The following RSRC1 variants were observed in gnomAD, a reference collection of about 807,000 sequenced individuals.
RSRC1 encodes the protein serine/Arginine-related protein 53.
RSRC1 carries 39 observed loss-of-function variants against 49.1 expected under a neutral mutation model. That is an observed-to-expected ratio of 0.79 (90% CI 0.61 to 1.04). The LOEUF (loss-of-function observed/expected upper bound fraction) is 1.04, where lower values mean the gene tolerates loss of function less well. Ranked by LOEUF, RSRC1 falls within the 50% of genes least tolerant of loss-of-function variation. RSRC1 has a pLI of 0.00. For missense variants in RSRC1, 388 were observed against 402.4 expected (o/e 0.96, Z 0.31); for synonymous variants, 143 against 130.8 (o/e 1.09, Z -0.63).
intron 7 of RSRC1, among the ~76,000 whole-genome samples, chr3:158,518,905 AT>A (rs1307998534): frequency 6.6e-6 from 1 of 151,908 alleles, no homozygotes; most frequent in Non-Finnish European, 1.5e-5. Flanking sequence ...TTTCTTTTCT[AT>A]CTCAGGTGAA....
At chr3:158,444,973 AG>A (rs1303894931) in intron 6 of RSRC1, among the ~76,000 whole-genome samples, 2 of 152,202 alleles carry the variant, frequency 1.3e-5, no homozygotes, top group African/African-American at 4.8e-5. Flanking sequence ...CACACCAGTT[AG>A]AATGGCAATC....
At chr3:158,237,416 A>G (rs1287172033) in intron 4 of RSRC1, among the ~76,000 whole-genome samples, 5 of 152,318 alleles carry the variant, frequency 3.3e-5, no homozygotes, top group Middle Eastern at 3.4e-3. Flanking sequence ...GTTTTTCTAC[A>G]GTTGTTGTAG....
chr3:158,145,208 T>G (rs1031443519), intron 3 of RSRC1, among the ~76,000 whole-genome samples: 3 of 152,204 alleles, frequency 2.0e-5, no homozygotes, highest in African/African-American at 7.2e-5. Context: ...TCCTTGCCCA[T>G]GCCTAAGTCC....
At chr3:158,282,737 A>G (rs944834257) in intron 4 of RSRC1, among the ~76,000 whole-genome samples, 2 of 152,216 alleles carry the variant, frequency 1.3e-5, no homozygotes, top group Admixed American at 1.3e-4. Context: ...TGAGAAGAAG[A>G]GAATCTTGTT....
intron 7 of RSRC1, among the ~76,000 whole-genome samples, chr3:158,524,330 T>A (rs1230315386): frequency 6.6e-6 from 1 of 152,094 alleles, no homozygotes; most frequent in African/African-American, 2.4e-5. Flanking sequence ...CGAATTTATG[T>A]GCCTGGTCTG....
intron 3 of RSRC1, among the ~76,000 whole-genome samples, chr3:158,137,978 A>G: frequency 1.3e-5 from 2 of 152,024 alleles, no homozygotes; most frequent in East Asian, 3.9e-4. Flanking sequence ...TGATTTTTTC[A>G]TAGACGTTTT....
At chr3:158,280,969 A>G (rs1416089885) in intron 4 of RSRC1, among the ~76,000 whole-genome samples, 1 of 152,070 alleles carries the variant, frequency 6.6e-6, no homozygotes, top group Non-Finnish European at 1.5e-5. Context: ...TTTTTATAAG[A>G]TTAGACTGGC....
At chr3:158,459,523 A>G (rs1737510783) in intron 6 of RSRC1, among the ~76,000 whole-genome samples, 1 of 152,122 alleles carries the variant, frequency 6.6e-6, no homozygotes. Context: ...TGAAAGAAAC[A>G]TAAGCTGAGC....
At chr3:158,370,594 T>G (rs1392664640) in intron 6 of RSRC1, among the ~76,000 whole-genome samples, 1 of 151,964 alleles carries the variant, frequency 6.6e-6, no homozygotes, top group Non-Finnish European at 1.5e-5. Context: ...TCATTTTTTT[T>G]TTACTGCTGA....
At chr3:158,124,054 C>A in intron 3 of RSRC1, 63 bp downstream of exon 3, 1 of 1,183,834 alleles carries the variant, frequency 8.4e-7, no homozygotes, top group Non-Finnish European at 1.2e-6. Context: ...CGATGTAAAG[C>A]AACAATCATT....
intron 3 of RSRC1, among the ~76,000 whole-genome samples, chr3:158,127,312 TG>T (rs1364260391): frequency 6.6e-6 from 1 of 152,120 alleles, no homozygotes; most frequent in East Asian, 1.9e-4. Context: ...ATACGTATAT[TG>T]GTCTGTTTAA....
chr3:158,431,592 T>G (rs953016156), intron 6 of RSRC1, among the ~76,000 whole-genome samples: 8 of 151,954 alleles, frequency 5.3e-5, no homozygotes, highest in Non-Finnish European at 1.2e-4. Flanking sequence ...TATTTTTTAT[T>G]TAATTGGTCC....
chr3:158,419,753 A>G (rs1734935842), intron 6 of RSRC1, among the ~76,000 whole-genome samples: 1 of 151,526 alleles, frequency 6.6e-6, no homozygotes, highest in South Asian at 2.1e-4. Flanking sequence ...CCCTCACAGG[A>G]TAGACTTTTT....
intron 3 of RSRC1, among the ~76,000 whole-genome samples, chr3:158,187,204 G>C (rs969962484): frequency 6.6e-6 from 1 of 151,924 alleles, no homozygotes; most frequent in African/African-American, 2.4e-5. Flanking sequence ...CAAAGGAGAT[G>C]ATTACAACAG....
At chr3:158,474,899 A>C (rs1018699190) in intron 7 of RSRC1, among the ~76,000 whole-genome samples, 1 of 150,372 alleles carries the variant, frequency 6.7e-6, no homozygotes, top group Non-Finnish European at 1.5e-5. Flanking sequence ...AGCACTTATC[A>C]CAGTCGTTGT....
chr3:158,290,380 C>G (rs1726859149), intron 4 of RSRC1, among the ~76,000 whole-genome samples: 1 of 152,130 alleles, frequency 6.6e-6, no homozygotes, highest in Non-Finnish European at 1.5e-5. Flanking sequence ...TCACGCCATT[C>G]TCCTGCCTCA....
intron 1 of RSRC1, among the ~76,000 whole-genome samples, chr3:158,118,413 CTGTGTGTG>C (rs57257889): frequency 0.016 from 1,431 of 90,118 alleles, 16 homozygotes; most frequent in African/African-American, 0.034. Context: ...ACCTGGCCTT[CTGTGTGTG>C]TGTGTGTGTG....
At chr3:158,286,198 G>A (rs910186822) in intron 4 of RSRC1, among the ~76,000 whole-genome samples, 11 of 152,206 alleles carry the variant, frequency 7.2e-5, no homozygotes, top group African/African-American at 1.9e-4. Context: ...AAGGAGTAAA[G>A]GAATGTTGTA....
chr3:158,137,655 C>CTTT (rs11388972), intron 3 of RSRC1, among the ~76,000 whole-genome samples: 7 of 138,518 alleles, frequency 5.1e-5, no homozygotes, highest in African/African-American at 8.0e-5. Flanking sequence ...TTTTCTTTTT[C>CTTT]TTTTTTTTTT....
Sources: gnomAD v4.1 joint callset for allele counts (sites outside exome capture counted in the v4.1 genomes callset) on GRCh38, gnomAD v4.1.1 for gene constraint, MANE v1.5 for transcripts, NCBI Gene and HGNC (gene_info 2026-07-23, HGNC 2026-07-21) for gene names.